The following UBA6 variants were observed in gnomAD, a reference collection of about 807,000 sequenced individuals.
UBA6 encodes the protein ubiquitin-like modifier-activating enzyme 6.
A neutral mutation model predicts 148.3 loss-of-function variants in UBA6; 87 were observed. That is an observed-to-expected ratio of 0.59 (90% CI 0.49 to 0.70). The LOEUF (loss-of-function observed/expected upper bound fraction) is 0.70, where lower values mean the gene tolerates loss of function less well. UBA6 is among the 30% of genes least tolerant of loss of function. The pLI is 0.00. For missense variants in UBA6, 1,186 were observed against 1,241.2 expected, an observed-to-expected ratio of 0.96 and a Z score of 0.67; for synonymous variants, 376 against 401.0, an observed-to-expected ratio of 0.94 and a Z score of 0.75.
At position 67,654,862 on chromosome 4, in the gene UBA6, G is replaced by GAAAAA. The variant is rs141234627; in HGVS notation, c.1105-5656_1105-5652dup. ...GGAAGATCTACCAAGCAAATGGAAA[G>GAAAAA]AAAAAAAAAAAAAAAGCAAGGGTTG... On this transcript the variant is annotated intron_variant, in intron 13 of 32. Coordinates refer to ENST00000322244, the MANE Select transcript of UBA6 (RefSeq NM_018227.6). Among the ~76,000 whole-genome samples, 313 of 132,138 alleles carry GAAAAA rather than the reference G, an allele frequency of 2.4e-3. 2 individuals carry two copies. The highest frequency in any genetic ancestry group is 8.3e-3 in the African/African-American group (286 of 34,470). 86.7% of individuals were successfully genotyped at this position (132,138 alleles called of 152,430 possible). A position where few individuals can be genotyped will look rare whatever the true frequency, so the allele number is the denominator to read the frequency against.
At chr4:67,636,397 C>T (rs559185440) in intron 19 of UBA6, among the ~76,000 whole-genome samples, 11 of 152,314 alleles carry the variant, frequency 7.2e-5, no homozygotes, top group Non-Finnish European at 1.5e-4. Context: ...CCGCTCCCCA[C>T]GGTCTCCCTC....
intron 32 of UBA6, among the ~76,000 whole-genome samples, chr4:67,620,624 A>G (rs1156516343): frequency 2.6e-5 from 4 of 152,198 alleles, no homozygotes; most frequent in Non-Finnish European, 5.9e-5. Flanking sequence ...GAAGGAACTT[A>G]GAAGGATAAC....
chr4:67,614,826 T>A lies in UBA6; in HGVS notation c.*4171A>T, dbSNP rs2109887093. On this transcript the variant is annotated 3_prime_UTR_variant, in exon 33 of 33. Coordinates refer to ENST00000322244, the MANE Select transcript of UBA6 (RefSeq NM_018227.6). ...ACTATACAGCCAACAAAGAATAAGA[T>A]TTATAAAGATCCTTTATGAATCAAT... 6.6e-6 allele frequency: 1 copy of A among 152,142 alleles called. No homozygotes were observed. Among genetic ancestry groups the A allele is most frequent in the Middle Eastern group, 3.4e-3 (1 of 294 alleles). The allele number at this position is 152,142 out of a possible 1,614,324, so 9.4% of individuals were successfully genotyped here. A position where few individuals can be genotyped will look rare whatever the true frequency, so the allele number is the denominator to read the frequency against.
chr4:67,696,522 C>T (rs9760397), intron 2 of UBA6, 123 bp downstream of exon 2: 35 of 524,772 alleles, frequency 6.7e-5, no homozygotes, highest in Admixed American at 5.1e-4. Flanking sequence ...TATACATACA[C>T]ACACACACAC....
chr4:67,648,761 C>T (rs752175005), intron 14 of UBA6, among the ~76,000 whole-genome samples: 91 of 151,920 alleles, frequency 6.0e-4, no homozygotes, highest in Admixed American at 2.4e-3. Context: ...CCTGAGAGCC[C>T]GAGAATGCTA....
chr4:67,636,873 C>T (rs1434328515), intron 19 of UBA6, among the ~76,000 whole-genome samples: 1 of 151,312 alleles, frequency 6.6e-6, no homozygotes, highest in Admixed American at 6.6e-5. Context: ...ATGTGAGGAG[C>T]CCCTCTGCCC....
At chr4:67,684,446 T>C (rs1256215961) in intron 2 of UBA6, among the ~76,000 whole-genome samples, 1 of 152,232 alleles carries the variant, frequency 6.6e-6, no homozygotes, top group Non-Finnish European at 1.5e-5. Context: ...TATGTGTTAA[T>C]CCAAAGTATA....
At chr4:67,645,003 C>T (rs1051929581) in intron 16 of UBA6, among the ~76,000 whole-genome samples, 1 of 151,602 alleles carries the variant, frequency 6.6e-6, no homozygotes, top group African/African-American at 2.4e-5. Flanking sequence ...GAAATAAACA[C>T]AATATAATGT....
At chr4:67,661,851 C>A in intron 13 of UBA6, 1 of 316,954 alleles carries the variant, frequency 3.2e-6, no homozygotes, top group Non-Finnish European at 5.5e-6. Context: ...AGAAAGCTAA[C>A]ATATATAAGT....
chr4:67,691,447 T>A (rs1730691729), intron 2 of UBA6, among the ~76,000 whole-genome samples: 1 of 152,190 alleles, frequency 6.6e-6, no homozygotes, highest in South Asian at 2.1e-4. Context: ...CCAGTTGCTA[T>A]TGTGGTGAGC....
chr4:67,663,976 AGAGT>A (rs1367707979), intron 10 of UBA6, 29 bp from the exon 11 acceptor site: 4 of 1,554,934 alleles, frequency 2.6e-6, no homozygotes, highest in Non-Finnish European at 2.6e-6. Context: ...TCATTACTTC[AGAGT>A]GAGTGAGTGA....
chr4:67,655,355 C>T lies in UBA6; in HGVS notation c.1105-6144G>A, dbSNP rs142250344. Among the ~76,000 whole-genome samples the T allele has an allele frequency of 8.5e-3, 1,290 of 152,298 alleles. 13 individuals carry two copies. The highest frequency in any genetic ancestry group is 0.03 in the African/African-American group (1,226 of 41,558). On this transcript the variant is annotated intron_variant, in intron 13 of 32. Coordinates refer to ENST00000322244, the MANE Select transcript of UBA6 (RefSeq NM_018227.6). The stretch of plus-strand genomic sequence containing the variant: ...AACAAACTGCTCTCAGACTACAGTG[C>T]AATCAAATTAGAACTCAGGATTAAG...
intron 23 of UBA6, among the ~76,000 whole-genome samples, chr4:67,632,150 T>C (rs1729014013): frequency 6.6e-6 from 1 of 152,204 alleles, no homozygotes; most frequent in Non-Finnish European, 1.5e-5. Context: ...TGTAGGTTTA[T>C]TGGGAGGTGG....
rs751657786 is a variant in UBA6 at position 67,639,103 on chromosome 4, C to T, written c.1576G>A (p.Ala526Thr). The T allele has an allele frequency of 2.0e-5, 33 of 1,612,468 alleles. No individual in the cohort carries two copies. Among genetic ancestry groups the T allele is most frequent in the Non-Finnish European group, 2.5e-5 (30 of 1,179,612 alleles). ...GAATTTATTTTCAGAGTAGCATCAG[C>T]AGCAGTGTAGCTTTTAGGTTTCTAA... ...HIQKPKSYTA[A>T]DATLKINSQI... is the part of the protein sequence containing the mutation. The change falls in exon 19 of 33, where the codon GCT (alanine) becomes ACT (threonine). Residue 526 changes from alanine (A) to threonine (T), a missense_variant. Physicochemically the swap from Ala to Thr is moderately conservative, Grantham distance 58 (BLOSUM62 0). Coordinates refer to ENST00000322244, the MANE Select transcript of UBA6 (RefSeq NM_018227.6).
At chr4:67,667,877 C>T (rs998070662) in intron 9 of UBA6, among the ~76,000 whole-genome samples, 4 of 152,254 alleles carry the variant, frequency 2.6e-5, no homozygotes, top group South Asian at 4.1e-4. Context: ...CAACTTCTTG[C>T]GAACAAACCT....
intron 18 of UBA6, among the ~76,000 whole-genome samples, chr4:67,639,584 A>G (rs1560483131): frequency 6.6e-6 from 1 of 152,080 alleles, no homozygotes; most frequent in African/African-American, 2.4e-5. Flanking sequence ...TTATTTCTGG[A>G]TGGAAATATT....
chr4:67,670,658 G>T, intron 7 of UBA6, 66 bp from the exon 8 acceptor site: 1 of 1,216,302 alleles, frequency 8.2e-7, no homozygotes, highest in Non-Finnish European at 1.2e-6. Flanking sequence ...AGTATCTTAG[G>T]CCATTTCATA....
rs1728592206 is a variant in UBA6 at position 67,614,620 on chromosome 4, G to A, written c.*4377C>T. ...ATGAAAGGCAAAACTAAAGCTTTAA[G>A]AAGACGATATATAAGACTATCTTCA... On this transcript the variant is annotated 3_prime_UTR_variant, in exon 33 of 33. Transcript: ENST00000322244. The A allele has an allele frequency of 6.6e-6, 1 of 152,148 alleles. No homozygotes were observed. Among genetic ancestry groups the A allele is most frequent in the Non-Finnish European group, 1.5e-5 (1 of 68,016 alleles). The allele number at this position is 152,148 out of a possible 1,614,324, so 9.4% of individuals were successfully genotyped here.
intron 28 of UBA6, among the ~76,000 whole-genome samples, chr4:67,625,662 T>C (rs1232673365): frequency 6.6e-6 from 1 of 151,932 alleles, no homozygotes; most frequent in Non-Finnish European, 1.5e-5. Flanking sequence ...AGATCAGTGG[T>C]TCCCAAGATC....
Sources: gnomAD v4.1 joint callset for allele counts (sites outside exome capture counted in the v4.1 genomes callset) on GRCh38, gnomAD v4.1.1 for gene constraint, MANE v1.5 for transcripts, NCBI Gene and HGNC (gene_info 2026-07-23, HGNC 2026-07-21) for gene names.